The following TF variants were observed in gnomAD, a reference collection of about 807,000 sequenced individuals.
TF encodes the protein transferrin, also known as serotransferrin.
In TF, 55 loss-of-function variants were observed where a neutral mutation model predicts 82.4. The observed-to-expected ratio is 0.67, with a 90% confidence interval of 0.54 to 0.84. The LOEUF (loss-of-function observed/expected upper bound fraction) is 0.84, where lower values mean the gene tolerates loss of function less well. Among genes scored for constraint, TF ranks in the 40% least tolerant of loss-of-function variants. The pLI, the probability that TF is intolerant of heterozygous loss-of-function variation, is 0.00. For synonymous variants in TF, 332 were observed against 332.6 expected (o/e 1.00, Z 0.02); for missense variants, 737 against 868.4 (o/e 0.85, Z 1.90).
chr3:133,766,517 G>T, intron 12 of TF, 84 bp downstream of exon 12: 1 of 1,575,426 alleles, frequency 6.3e-7, no homozygotes, highest in Non-Finnish European at 8.7e-7. Context: ...TGTGGCATAA[G>T]GTGCTGTGGG....
chr3:133,665,708 G>A, the TF span, among the ~76,000 whole-genome samples: 1 of 152,004 alleles, frequency 6.6e-6, no homozygotes, highest in Admixed American at 6.5e-5. Flanking sequence ...ACTTTGGGAG[G>A]CCGAGGTGGG....
the TF span, among the ~76,000 whole-genome samples, chr3:133,686,896 C>G: frequency 3.9e-4 from 59 of 152,270 alleles, no homozygotes; most frequent in African/African-American, 1.4e-3. Flanking sequence ...ACATGCACAC[C>G]TATGTTTATT....
the TF span, among the ~76,000 whole-genome samples, chr3:133,715,978 C>G: frequency 1.3e-5 from 2 of 152,154 alleles, no homozygotes; most frequent in Non-Finnish European, 2.9e-5. Flanking sequence ...ATTGATCTAC[C>G]AGCATCACTG....
the TF span, among the ~76,000 whole-genome samples, chr3:133,681,012 T>C: frequency 6.6e-6 from 1 of 152,248 alleles, no homozygotes; most frequent in Non-Finnish European, 1.5e-5. Context: ...GCTGTTATTA[T>C]TGTAAACTTC....
chr3:133,681,076 A>G, the TF span, among the ~76,000 whole-genome samples: 1 of 152,190 alleles, frequency 6.6e-6, no homozygotes, highest in African/African-American at 2.4e-5. Context: ...AGATTTGTAA[A>G]CAGCATTTTG....
chr3:133,695,290 C>A, the TF span, among the ~76,000 whole-genome samples: 1 of 147,374 alleles, frequency 6.8e-6, no homozygotes. Context: ...CCTCTGTCAC[C>A]AGGCTGGAGT....
chr3:133,702,377 C>A, the TF span, among the ~76,000 whole-genome samples: 3 of 152,036 alleles, frequency 2.0e-5, no homozygotes, highest in Admixed American at 2.0e-4. Context: ...GGGCTATGGT[C>A]AGGGCTACTG....
chr3:133,711,692 C>T, the TF span, among the ~76,000 whole-genome samples: 1 of 152,212 alleles, frequency 6.6e-6, no homozygotes, highest in South Asian at 2.1e-4. Flanking sequence ...GGTTTCCATC[C>T]ACCCTGTTGC....
rs1185888256 is a variant in TF, at chr3:133,787,140, A to C, written c.*8520A>C. 1 of 152,210 alleles carries C rather than the reference A, an allele frequency of 6.6e-6. No individual in the cohort carries two copies. The highest frequency in any genetic ancestry group is 1.9e-4 in the East Asian group (1 of 5,200). 9.4% of individuals were successfully genotyped at this position (152,210 alleles called of 1,614,324 possible). A position where few individuals can be genotyped will look rare whatever the true frequency, so the allele number is the denominator to read the frequency against. On this transcript the variant is annotated 3_prime_UTR_variant, in exon 17 of 17. Transcript: ENST00000402696. ...TTTTGCTGTGTATGTAGAGTACATA[A>C]TGGACAAATGAGTCCTAATTTTGCA...
At position 133,793,126 on chromosome 3, in the gene TF, A is replaced by G. The variant is rs1185651671; in HGVS notation, c.*14506A>G. ...GATTTTCATGCAGTATTAAAAGATA[A>G]TGAAAGATCTTTGTTTGCCTTTTGA... On this transcript the variant is annotated 3_prime_UTR_variant, in exon 17 of 17. Coordinates refer to ENST00000402696, the MANE Select transcript of TF (RefSeq NM_001063.4). The G allele has an allele frequency of 6.6e-6, 1 of 152,180 alleles. No homozygotes were observed. Among genetic ancestry groups the G allele is most frequent in the African/African-American group, 2.4e-5 (1 of 41,448 alleles). The allele number at this position is 152,180 out of a possible 1,614,324, so 9.4% of individuals were successfully genotyped here.
chr3:133,722,337 G>A, the TF span, among the ~76,000 whole-genome samples: 1 of 151,884 alleles, frequency 6.6e-6, no homozygotes, highest in Non-Finnish European at 1.5e-5. Context: ...CTTGTAGAGA[G>A]CACATAGTTG....
intron 15 of TF, 33 bp from the exon 16 acceptor site, chr3:133,777,016 A>G (rs747833103): frequency 6.2e-7 from 1 of 1,606,234 alleles, no homozygotes; most frequent in Admixed American, 1.7e-5. Context: ...TAAAGACCAC[A>G]AGGTCCTCAC....
chr3:133,735,639 G>A, the TF span, among the ~76,000 whole-genome samples: 3 of 152,216 alleles, frequency 2.0e-5, no homozygotes, highest in Admixed American at 6.5e-5. Flanking sequence ...AAAACAGCAC[G>A]AGAACTTTGT....
At chr3:133,668,866 A>T in the TF span, among the ~76,000 whole-genome samples, 1 of 152,174 alleles carries the variant, frequency 6.6e-6, no homozygotes, top group South Asian at 2.1e-4. Context: ...CCTTGTTTGC[A>T]TGTCCCGTGG....
intron 13 of TF, 56 bp downstream of exon 13, chr3:133,768,220 C>T: frequency 6.2e-7 from 1 of 1,603,138 alleles, no homozygotes; most frequent in Non-Finnish European, 8.5e-7. Flanking sequence ...GGCCAGATTT[C>T]TTTTAGGAAC....
At chr3:133,774,717 T>A (rs1934341855) in intron 14 of TF, 2 of 200,678 alleles carry the variant, frequency 1.0e-5, no homozygotes, top group Admixed American at 1.0e-4. Context: ...ATGTATTAGT[T>A]ATTCGGTTAA....
chr3:133,750,878 C>T (rs1180602758), intron 2 of TF, among the ~76,000 whole-genome samples: 1 of 152,118 alleles, frequency 6.6e-6, no homozygotes, highest in East Asian at 1.9e-4. Flanking sequence ...GTGTGCTGCA[C>T]CCTGTTTGCT....
At chr3:133,742,410 T>C (rs1049485596), upstream of TF, among the ~76,000 whole-genome samples, 13 of 152,132 alleles carry the variant, frequency 8.5e-5, no homozygotes, top group Non-Finnish European at 1.8e-4. Context: ...TCCAAGGACT[T>C]CTGAGAGGTA....
At chr3:133,699,032 C>T in the TF span, among the ~76,000 whole-genome samples, 1 of 152,258 alleles carries the variant, frequency 6.6e-6, no homozygotes, top group Non-Finnish European at 1.5e-5. Context: ...TACCTTAAGT[C>T]TCTGAGTCTC....
Sources: allele counts gnomAD v4.1 joint callset (sites outside exome capture counted in the v4.1 genomes callset), GRCh38; gene constraint gnomAD v4.1.1; transcripts MANE v1.5; gene names NCBI Gene and HGNC (gene_info 2026-07-23, HGNC 2026-07-21).